The following HDGFL3 variants were observed in gnomAD, a reference collection of about 807,000 sequenced individuals.
The protein encoded by HDGFL3 is HDGF like 3, also known as hepatoma-derived growth factor-related protein 3.
In HDGFL3, 6 loss-of-function variants were observed where a neutral mutation model predicts 27.6. That is an observed-to-expected ratio of 0.22 (90% CI 0.12 to 0.43). The LOEUF (loss-of-function observed/expected upper bound fraction) is 0.43. Among genes scored for constraint, HDGFL3 ranks in the 20% least tolerant of loss-of-function variants. The pLI, the probability that HDGFL3 is intolerant of heterozygous loss-of-function variation, is 1.00. For synonymous variants in HDGFL3, 88 were observed against 88.9 expected, an observed-to-expected ratio of 0.99 and a Z score of 0.05; for missense variants, 207 against 250.1, an observed-to-expected ratio of 0.83 and a Z score of 1.16.
At chr15:83,150,022 G>A (rs1596548239) in intron 5 of HDGFL3, among the ~76,000 whole-genome samples, 1 of 152,260 alleles carries the variant, frequency 6.6e-6, no homozygotes, top group East Asian at 1.9e-4. Context: ...TGCAGATTCC[G>A]ATTCAGAATC....
At chr15:83,146,155 C>T (rs2036888798) in intron 5 of HDGFL3, among the ~76,000 whole-genome samples, 1 of 151,960 alleles carries the variant, frequency 6.6e-6, no homozygotes, top group Non-Finnish European at 1.5e-5. Flanking sequence ...GGTGATCGGC[C>T]CACCTCAGCC....
chr15:83,206,976 T>C (rs1596574278), intron 1 of HDGFL3, among the ~76,000 whole-genome samples: 1 of 152,184 alleles, frequency 6.6e-6, no homozygotes, highest in South Asian at 2.1e-4. Flanking sequence ...ACCCAGGGTA[T>C]CCACCAATGA....
intron 1 of HDGFL3, among the ~76,000 whole-genome samples, chr15:83,190,578 A>AT (rs2037499585): frequency 6.6e-6 from 1 of 151,716 alleles, no homozygotes. Flanking sequence ...GGCCTTATGT[A>AT]TTTTTTCTAT....
At chr15:83,187,763 C>T (rs535076851) in intron 1 of HDGFL3, among the ~76,000 whole-genome samples, 30 of 152,164 alleles carry the variant, frequency 2.0e-4, no homozygotes, top group Admixed American at 1.7e-3. Context: ...TGGCACATGC[C>T]TGTAATCCCA....
intron 1 of HDGFL3, among the ~76,000 whole-genome samples, chr15:83,188,274 GA>G (rs575401622): frequency 2.0e-3 from 306 of 152,178 alleles, no homozygotes; most frequent in Middle Eastern, 6.8e-3. Flanking sequence ...AATTTTTTGA[GA>G]CAGGGTTTCA....
intron 4 of HDGFL3, among the ~76,000 whole-genome samples, chr15:83,154,151 C>T (rs2151400532): frequency 6.7e-6 from 1 of 148,190 alleles, no homozygotes; most frequent in East Asian, 2.0e-4. Context: ...CCGGTCTCTA[C>T]TGGAAAAAAA....
intron 1 of HDGFL3, among the ~76,000 whole-genome samples, chr15:83,172,369 G>A (rs559258686): frequency 2.0e-5 from 3 of 152,030 alleles, no homozygotes; most frequent in East Asian, 3.9e-4. Flanking sequence ...TGAACAACAG[G>A]GATTGGGGCA....
Position 83,207,794 on chromosome 15 carries a change from G to T in HDGFL3, c.-380C>A. Reference sequence around the variant, plus strand: ...GGCTCCCGGGCGCGGCGCGAGCGCCGGGCCTCGCGTCTGCTCCGAATTCCT... The same window carrying T: ...GGCTCCCGGGCGCGGCGCGAGCGCCTGGCCTCGCGTCTGCTCCGAATTCCT... On this transcript the variant is annotated 5_prime_UTR_variant, in exon 1 of 6. Transcript: ENST00000299633. The surrounding 1 kb of genome is among the most constrained non-coding windows in gnomAD (Gnocchi z 4.8). The T allele has an allele frequency of 6.7e-6, 1 of 150,266 alleles. No homozygotes were observed. The highest frequency in any genetic ancestry group is 1.9e-4 in the South Asian group (1 of 5,238). 9.3% of individuals were successfully genotyped at this position (150,266 alleles called of 1,614,324 possible).
At chr15:83,127,317 C>T (rs1198731881), downstream of HDGFL3, 2 of 1,530,742 alleles carry the variant, frequency 1.3e-6, no homozygotes, top group Admixed American at 2.1e-5. Context: ...GCCAAGTTAA[C>T]TGCCAATTTG....
At chr15:83,203,495 G>T (rs773634199) in intron 1 of HDGFL3, among the ~76,000 whole-genome samples, 3 of 151,686 alleles carry the variant, frequency 2.0e-5, no homozygotes, top group Non-Finnish European at 4.4e-5. Context: ...TGAACAGGTG[G>T]CTAAAAAAAA....
In HDGFL3 at chr15:83,184,869, A is replaced by C. The variant is rs549474710; in HGVS notation, c.85-20794T>G. 4 of 152,388 alleles carry C rather than the reference A, an allele frequency of 2.6e-5. 1 individual carries two copies. The highest frequency in any genetic ancestry group is 2.0e-4 in the Admixed American group (3 of 15,312). The allele number at this position is 152,388 out of a possible 1,614,324, so 9.4% of individuals were successfully genotyped here. On this transcript the variant is annotated intron_variant, in intron 1 of 5. Coordinates refer to ENST00000299633, the MANE Select transcript of HDGFL3 (RefSeq NM_016073.4). ...TTCCATTAAGAGGTGGGTAACCATT[A>C]CCAGACTTGCAAAGAATGTGGTAAA...
chr15:83,183,601 A>G (rs2037405781), intron 1 of HDGFL3, among the ~76,000 whole-genome samples: 1 of 151,978 alleles, frequency 6.6e-6, no homozygotes, highest in Non-Finnish European at 1.5e-5. Flanking sequence ...TCTCCACTAA[A>G]AATACAAAAA....
intron 1 of HDGFL3, among the ~76,000 whole-genome samples, chr15:83,168,401 AT>A (rs2037199969): frequency 6.6e-6 from 1 of 152,230 alleles, no homozygotes; most frequent in Non-Finnish European, 1.5e-5. Flanking sequence ...AGATCCATAG[AT>A]CGTTAATAAA....
chr15:83,117,111 A>T (rs2034734725), intron 3 of HDGFL3, among the ~76,000 whole-genome samples: 2 of 152,194 alleles, frequency 1.3e-5, no homozygotes, highest in South Asian at 4.1e-4. Flanking sequence ...AGTTGGTGAC[A>T]CTGCTGTAGC....
At chr15:83,123,282 T>C (rs2035435425), downstream of HDGFL3, among the ~76,000 whole-genome samples, 1 of 152,122 alleles carries the variant, frequency 6.6e-6, no homozygotes, top group Non-Finnish European at 1.5e-5. Flanking sequence ...GGAGGGATAC[T>C]GCTCCTCAAG....
At chr15:83,159,738 T>C (rs1204241418) in intron 2 of HDGFL3, among the ~76,000 whole-genome samples, 1 of 152,130 alleles carries the variant, frequency 6.6e-6, no homozygotes. Flanking sequence ...ACAAGGTCCC[T>C]CAGGTGGGAG....
intron 5 of HDGFL3, chr15:83,144,378 T>TG (rs1181155964): frequency 2.2e-6 from 1 of 455,240 alleles, no homozygotes; most frequent in Non-Finnish European, 4.4e-6. Flanking sequence ...CCCTTTAGTG[T>TG]GGGCTGGACC....
intron 3 of HDGFL3, among the ~76,000 whole-genome samples, chr15:83,121,747 C>T (rs2035270051): frequency 6.6e-6 from 1 of 152,192 alleles, no homozygotes; most frequent in South Asian, 2.1e-4. Flanking sequence ...TATCACATGG[C>T]AATGAAGTTA....
chr15:83,122,865 ATTACCCCT>A (rs2035400546), downstream of HDGFL3: 5 of 1,613,934 alleles, frequency 3.1e-6, no homozygotes, highest in Non-Finnish European at 4.2e-6. Flanking sequence ...GAAAATTATA[ATTACCCCT>A]CAAAGGTGAT....
Sources: allele counts gnomAD v4.1 joint callset (sites outside exome capture counted in the v4.1 genomes callset), GRCh38; gene constraint gnomAD v4.1.1; non-coding constraint Gnocchi (gnomAD v3.1); transcripts MANE v1.5; gene names NCBI Gene and HGNC (gene_info 2026-07-23, HGNC 2026-07-21).